The following USP37 variants were observed in gnomAD, a reference collection of about 807,000 sequenced individuals.
USP37 encodes the protein ubiquitin carboxyl-terminal hydrolase 37.
USP37 carries 27 observed loss-of-function variants against 124.0 expected under a neutral mutation model. That is an observed-to-expected ratio of 0.22 (90% CI 0.16 to 0.30). The LOEUF is 0.30. USP37 is among the 10% of genes least tolerant of loss of function. The pLI is 1.00. For missense variants in USP37, 889 were observed against 1,140.4 expected (o/e 0.78, Z 3.17); for synonymous variants, 365 against 388.0 (o/e 0.94, Z 0.70).
In USP37 at chr2:218,497,862, T is replaced by C. The variant is rs775781403; in HGVS notation, c.1158-5A>G. Reference sequence around the variant, plus strand: ...ACAAGCAAGTGTGCAAAGCGTCTAGTAAAACAAAAAACACAAAGTTAGCAC... The same window carrying C: ...ACAAGCAAGTGTGCAAAGCGTCTAGCAAAACAAAAAACACAAAGTTAGCAC... On this transcript the variant is annotated splice_polypyrimidine_tract_variant and splice_region_variant and intron_variant, in intron 12 of 25. Coordinates refer to ENST00000258399, the MANE Select transcript of USP37 (RefSeq NM_020935.3). 6.2e-7 allele frequency: 1 copy of C among 1,611,262 alleles called. No homozygotes were observed. The highest frequency in any genetic ancestry group is 8.5e-7 in the Non-Finnish European group (1 of 1,179,150).
intron 11 of USP37, among the ~76,000 whole-genome samples, chr2:218,503,088 A>G (rs1429535233): frequency 6.6e-6 from 1 of 152,240 alleles, no homozygotes; most frequent in Non-Finnish European, 1.5e-5. Flanking sequence ...TAAAATTAAA[A>G]GCAAAATCCT....
chr2:218,454,552 A>G lies in USP37; in HGVS notation c.*378T>C, dbSNP rs1689590281. 6.1e-6 allele frequency: 1 copy of G among 164,962 alleles called. No individual in the cohort carries two copies. Among genetic ancestry groups the G allele is most frequent in the African/African-American group, 2.4e-5 (1 of 41,852 alleles). 10.2% of individuals were successfully genotyped at this position (164,962 alleles called of 1,614,324 possible). On this transcript the variant is annotated 3_prime_UTR_variant, in exon 26 of 26. Coordinates refer to ENST00000258399, the MANE Select transcript of USP37 (RefSeq NM_020935.3). The stretch of plus-strand genomic sequence containing the variant: ...CATTTCTTCTCCAAACTGCTGTGCT[A>G]TTAATTTTGAGCAGGCATATTCTGG...
At chr2:218,492,830 G>A (rs935564000) in intron 14 of USP37, among the ~76,000 whole-genome samples, 2 of 152,110 alleles carry the variant, frequency 1.3e-5, no homozygotes, top group Non-Finnish European at 2.9e-5. Flanking sequence ...CACAGTGAGA[G>A]CCCGTCTCTA....
chr2:218,506,203 A>C (rs953183695), intron 11 of USP37, among the ~76,000 whole-genome samples: 1 of 150,894 alleles, frequency 6.6e-6, no homozygotes, highest in South Asian at 2.1e-4. Flanking sequence ...TCAATGCTTT[A>C]ATCTTCTTCT....
chr2:218,565,184 C>CA (rs1358475872), intron 1 of USP37, among the ~76,000 whole-genome samples: 1 of 152,182 alleles, frequency 6.6e-6, no homozygotes, highest in Non-Finnish European at 1.5e-5. Context: ...TGGTCTCCCG[C>CA]AATGCTGGGA....
intron 23 of USP37, among the ~76,000 whole-genome samples, chr2:218,457,829 C>T (rs1689772817): frequency 1.3e-5 from 2 of 151,824 alleles, no homozygotes; most frequent in South Asian, 2.1e-4. Flanking sequence ...GGGCAGATCA[C>T]GAGGTCAGGA....
rs917340524 is a variant in USP37, at chr2:218,474,674, G to C, written c.2255C>G (p.Pro752Arg). 1.2e-6 allele frequency: 2 copies of C among 1,614,046 alleles called. No homozygotes were observed. The highest frequency in any genetic ancestry group is 1.3e-5 in the African/African-American group (1 of 74,920). The change falls in exon 20 of 26, where the codon CCA becomes CGA. Residue 752 changes from proline (P) to arginine (R), a missense_variant. This residue lies in a region of USP37 where 504 missense variants were observed against 714.3 expected (regional missense o/e 0.71). Coordinates refer to ENST00000258399, the MANE Select transcript of USP37 (RefSeq NM_020935.3). ...GGGCTTCTCAGTTTCCATAGTGTCT[G>C]GATTTTCTGGCATTTCTTGAATATC... ...EDDIQEMPEN[P>R]DTMETEKPKT...
chr2:218,519,006 C>T (rs1315615662), intron 10 of USP37, among the ~76,000 whole-genome samples: 1 of 152,122 alleles, frequency 6.6e-6, no homozygotes, highest in African/African-American at 2.4e-5. Flanking sequence ...GAATTTGCTG[C>T]CCTTTCTTAA....
intron 5 of USP37, among the ~76,000 whole-genome samples, chr2:218,551,080 TC>T (rs1298653287): frequency 6.6e-6 from 1 of 152,192 alleles, no homozygotes; most frequent in Non-Finnish European, 1.5e-5. Context: ...AAATCTTTGG[TC>T]ACTGGAGATA....
chr2:218,475,428 G>A (rs1253706671), intron 19 of USP37, among the ~76,000 whole-genome samples: 3 of 151,862 alleles, frequency 2.0e-5, no homozygotes, highest in South Asian at 2.1e-4. Flanking sequence ...GCGAAAACCC[G>A]TCTTTACTAA....
chr2:218,476,690 T>C, intron 19 of USP37, 150 bp downstream of exon 19: 1 of 868,348 alleles, frequency 1.2e-6, no homozygotes, highest in Non-Finnish European at 1.6e-6. Flanking sequence ...CTCGTAAGTC[T>C]TGATCCATCT....
In USP37 at chr2:218,487,077, C is replaced by A. The variant is rs192435406; in HGVS notation, c.1590+1227G>T. Among the ~76,000 whole-genome samples, 3 of 152,152 alleles carry A rather than the reference C, an allele frequency of 2.0e-5. No individual in the cohort carries two copies. In the East Asian group the frequency reaches 5.8e-4, roughly 29 times the overall value. On this transcript the variant is annotated intron_variant, in intron 15 of 25. Coordinates refer to ENST00000258399, the MANE Select transcript of USP37 (RefSeq NM_020935.3). ...AGACAATCCTGCCAATTTGCTACAA[C>A]ACAACAAGGACCGCTACTAGACAGA...
chr2:218,507,863 T>C (rs1689762100), intron 11 of USP37, among the ~76,000 whole-genome samples: 1 of 151,152 alleles, frequency 6.6e-6, no homozygotes, highest in South Asian at 2.1e-4. Flanking sequence ...TTCAAGCCTC[T>C]TCCCTATAAC....
intron 10 of USP37, among the ~76,000 whole-genome samples, chr2:218,517,575 T>C (rs766060057): frequency 1.4e-4 from 21 of 152,238 alleles, no homozygotes; most frequent in South Asian, 4.1e-4. Flanking sequence ...ACAATTGCTA[T>C]AGAAAAGTCA....
Position 218,453,994 on chromosome 2 carries a change from G to A in USP37, c.*936C>T, listed in dbSNP as rs555392170. On this transcript the variant is annotated 3_prime_UTR_variant, in exon 26 of 26. Coordinates refer to ENST00000258399, the MANE Select transcript of USP37 (RefSeq NM_020935.3). Reference sequence around the variant, plus strand: ...CTTATCCCTAAGTATTCCTGCTGGGGAGTCCCAATTGGAGAAATATTATCT... The same window carrying A: ...CTTATCCCTAAGTATTCCTGCTGGGAAGTCCCAATTGGAGAAATATTATCT... 23 of 152,310 alleles carry A rather than the reference G, an allele frequency of 1.5e-4. No individual in the cohort carries two copies. Among genetic ancestry groups the A allele is most frequent in the African/African-American group, 5.5e-4 (23 of 41,544 alleles). 9.4% of individuals were successfully genotyped at this position (152,310 alleles called of 1,614,324 possible).
At chr2:218,463,479 CT>C in intron 21 of USP37, 113 bp from the exon 22 acceptor site, 1 of 798,406 alleles carries the variant, frequency 1.3e-6, no homozygotes, top group Non-Finnish European at 2.0e-6. Context: ...TTTCTATAAC[CT>C]TATGGATGTT....
rs73074863 is a variant in USP37, at chr2:218,487,805, G to C, written c.1590+499C>G. The stretch of plus-strand genomic sequence containing the variant: ...AGCAATTAATTTTCTTTTTCAATGA[G>C]TTATAATTAGATTTATCAAGCTTTT... On this transcript the variant is annotated intron_variant, in intron 15 of 25. Coordinates refer to ENST00000258399, the MANE Select transcript of USP37 (RefSeq NM_020935.3). Among the ~76,000 whole-genome samples the C allele has an allele frequency of 2.9e-3, 435 of 152,008 alleles. 3 individuals carry two copies. The highest frequency in any genetic ancestry group is 0.01 in the African/African-American group (417 of 41,462).
chr2:218,497,957 C>A, intron 12 of USP37, 69 bp downstream of exon 12: 1 of 1,568,608 alleles, frequency 6.4e-7, no homozygotes, highest in South Asian at 1.2e-5. Context: ...TTTTGAGTGT[C>A]TAAAATTCCA....
intron 13 of USP37, among the ~76,000 whole-genome samples, chr2:218,496,996 T>C (rs923479569): frequency 4.6e-5 from 7 of 151,804 alleles, no homozygotes; most frequent in Admixed American, 4.6e-4. Flanking sequence ...TACACAAATC[T>C]CGTTTTAAAA....
Sources: allele counts gnomAD v4.1 joint callset (sites outside exome capture counted in the v4.1 genomes callset), GRCh38; gene constraint gnomAD v4.1.1; regional missense constraint gnomAD v4.1.1; transcripts MANE v1.5; gene names NCBI Gene and HGNC (gene_info 2026-07-23, HGNC 2026-07-21).